BRINP3: variants seen among roughly 807,000 people sequenced by gnomAD.
The protein encoded by BRINP3 is BMP/retinoic acid-inducible neural-specific protein 3.
In BRINP3, 19 loss-of-function variants were observed where a neutral mutation model predicts 71.0. The observed-to-expected ratio is 0.27, with a 90% confidence interval of 0.19 to 0.39. The LOEUF (loss-of-function observed/expected upper bound fraction) is 0.39. Among genes scored for constraint, BRINP3 ranks in the 10% least tolerant of loss-of-function variants. BRINP3 has a pLI of 1.00. For synonymous variants in BRINP3, 380 were observed against 337.7 expected, an observed-to-expected ratio of 1.13 and a Z score of -1.37; for missense variants, 959 against 940.8, an observed-to-expected ratio of 1.02 and a Z score of -0.25.
intron 2 of BRINP3, among the ~76,000 whole-genome samples, chr1:190,284,824 C>A (rs1398477659): frequency 1.3e-5 from 2 of 151,894 alleles, no homozygotes; most frequent in African/African-American, 4.8e-5. Context: ...AATTAAATAA[C>A]TAAATAATTA....
At chr1:190,326,096 G>A (rs1341705686) in intron 2 of BRINP3, among the ~76,000 whole-genome samples, 1 of 151,944 alleles carries the variant, frequency 6.6e-6, no homozygotes, top group East Asian at 1.9e-4. Context: ...AAAATCAATT[G>A]GAGCTTCTGG....
intron 2 of BRINP3, among the ~76,000 whole-genome samples, chr1:190,448,514 T>G (rs1675387676): frequency 6.6e-6 from 1 of 150,818 alleles, no homozygotes; most frequent in Admixed American, 6.6e-5. Flanking sequence ...TCCATAAAAA[T>G]CAAAATAGCA....
chr1:190,451,520 G>C (rs1179756408), intron 2 of BRINP3, among the ~76,000 whole-genome samples: 1 of 151,756 alleles, frequency 6.6e-6, no homozygotes, highest in Non-Finnish European at 1.5e-5. Context: ...CGGCAGAGTA[G>C]ACAAAATTTC....
chr1:190,270,101 T>C (rs921060357), intron 3 of BRINP3, among the ~76,000 whole-genome samples: 2 of 151,904 alleles, frequency 1.3e-5, no homozygotes, highest in Non-Finnish European at 2.9e-5. Context: ...AAGTTTTTTA[T>C]AAGAAAAGGG....
chr1:190,301,255 A>G (rs1482284626), intron 2 of BRINP3, among the ~76,000 whole-genome samples: 7 of 144,296 alleles, frequency 4.9e-5, no homozygotes, highest in Non-Finnish European at 7.5e-5. Flanking sequence ...ATATATATAT[A>G]TATCTTATCA....
At chr1:190,310,866 T>C (rs1388824081) in intron 2 of BRINP3, among the ~76,000 whole-genome samples, 1 of 151,736 alleles carries the variant, frequency 6.6e-6, no homozygotes, top group South Asian at 2.1e-4. Context: ...ATTAAATTAA[T>C]AGATTAGCCC....
At chr1:190,277,087 T>TATATATATATATATA (rs1553276640) in intron 3 of BRINP3, among the ~76,000 whole-genome samples, 13 of 36,030 alleles carry the variant, frequency 3.6e-4, no homozygotes, top group African/African-American at 7.6e-4. Context: ...AATTTTGGTT[T>TATATATATATATATA]TATATATATA....
At chr1:190,385,499 A>G (rs1424934854) in intron 2 of BRINP3, among the ~76,000 whole-genome samples, 5 of 151,938 alleles carry the variant, frequency 3.3e-5, no homozygotes, top group Non-Finnish European at 7.4e-5. Context: ...ATCACTGGCC[A>G]TCAGAGAAAT....
chr1:190,198,519 C>T (rs1654700825), intron 6 of BRINP3, among the ~76,000 whole-genome samples: 1 of 152,096 alleles, frequency 6.6e-6, no homozygotes, highest in African/African-American at 2.4e-5. Context: ...GCACCCAAAT[C>T]ACCTCTTGAA....
At chr1:190,305,678 G>A (rs1276082030) in intron 2 of BRINP3, among the ~76,000 whole-genome samples, 1 of 151,568 alleles carries the variant, frequency 6.6e-6, no homozygotes, top group Non-Finnish European at 1.5e-5. Flanking sequence ...TGCATAGTAG[G>A]ATGACTAGTT....
chr1:190,473,570 G>T (rs1482355681), intron 1 of BRINP3, among the ~76,000 whole-genome samples: 2 of 141,070 alleles, frequency 1.4e-5, no homozygotes, highest in African/African-American at 5.1e-5. Flanking sequence ...TCACTGTGTG[G>T]AAAGTCCAGG....
At chr1:190,264,033 T>C (rs1033172703) in intron 4 of BRINP3, among the ~76,000 whole-genome samples, 1 of 152,204 alleles carries the variant, frequency 6.6e-6, no homozygotes, top group African/African-American at 2.4e-5. Context: ...TCTATATTAT[T>C]TTGTTATGGT....
intron 2 of BRINP3, among the ~76,000 whole-genome samples, chr1:190,363,613 G>A (rs749291188): frequency 7.9e-5 from 12 of 152,066 alleles, no homozygotes; most frequent in Admixed American, 2.0e-4. Flanking sequence ...AAGATTTCAC[G>A]TGCTCAAGAT....
chr1:190,211,075 T>G (rs528708008), intron 6 of BRINP3, among the ~76,000 whole-genome samples: 2 of 151,816 alleles, frequency 1.3e-5, no homozygotes, highest in Non-Finnish European at 2.9e-5. Flanking sequence ...ACTTTTGAGG[T>G]TTTTGGACTC....
At chr1:190,364,677 T>C (rs1669370849) in intron 2 of BRINP3, among the ~76,000 whole-genome samples, 1 of 152,000 alleles carries the variant, frequency 6.6e-6, no homozygotes, top group Non-Finnish European at 1.5e-5. Context: ...CCAGTAAAGG[T>C]TGGATAATTC....
At chr1:190,456,070 A>G (rs1263090611) in intron 1 of BRINP3, among the ~76,000 whole-genome samples, 1 of 152,190 alleles carries the variant, frequency 6.6e-6, no homozygotes, top group Non-Finnish European at 1.5e-5. Context: ...TTTAGAAAAA[A>G]AGATTAAGAT....
At chr1:190,283,239 GT>G (rs1200776938) in intron 2 of BRINP3, among the ~76,000 whole-genome samples, 1 of 151,952 alleles carries the variant, frequency 6.6e-6, no homozygotes, top group Non-Finnish European at 1.5e-5. Flanking sequence ...TTTAATTAGT[GT>G]TTTTCCTCGA....
At chr1:190,421,036 A>T (rs1673344501) in intron 2 of BRINP3, among the ~76,000 whole-genome samples, 1 of 151,734 alleles carries the variant, frequency 6.6e-6, no homozygotes, top group African/African-American at 2.4e-5. Context: ...GAAAAGAATG[A>T]CACATATATC....
intron 6 of BRINP3, among the ~76,000 whole-genome samples, chr1:190,188,363 T>C (rs1045536682): frequency 5.3e-5 from 8 of 152,182 alleles, no homozygotes; most frequent in African/African-American, 1.9e-4. Context: ...TATTTATTTC[T>C]CTTGTTTAAT....
Sources: allele counts gnomAD v4.1 joint callset (sites outside exome capture counted in the v4.1 genomes callset), GRCh38; gene constraint gnomAD v4.1.1; transcripts MANE v1.5; gene names NCBI Gene and HGNC (gene_info 2026-07-23, HGNC 2026-07-21).